The following AGBL1 variants were observed in gnomAD, a reference collection of about 807,000 sequenced individuals.
AGBL1 encodes the protein AGBL carboxypeptidase 1.
A neutral mutation model predicts 118.9 loss-of-function variants in AGBL1; 130 were observed. That is an observed-to-expected ratio of 1.09 (90% CI 0.95 to 1.26). The LOEUF (loss-of-function observed/expected upper bound fraction) is 1.26. Among genes scored for constraint, AGBL1 ranks in the 50% most tolerant of loss-of-function variants. The probability of loss-of-function intolerance (pLI) is 0.00; values close to 1 mark genes in which losing one functional copy is unlikely to be tolerated. For missense variants in AGBL1, 1,584 were observed against 1,298.1 expected (o/e 1.22, Z -3.38); for synonymous variants, 555 against 478.9 (o/e 1.16, Z -2.08).
At chr15:86,361,866 A>G (rs1479821039) in intron 17 of AGBL1, among the ~76,000 whole-genome samples, 1 of 152,100 alleles carries the variant, frequency 6.6e-6, no homozygotes, top group Non-Finnish European at 1.5e-5. Context: ...TATAGGCAGC[A>G]TATTGTTGCA....
chr15:86,190,216 A>G (rs1485904862), intron 5 of AGBL1, among the ~76,000 whole-genome samples: 3 of 152,162 alleles, frequency 2.0e-5, no homozygotes, highest in Non-Finnish European at 4.4e-5. Flanking sequence ...GCATCTCTTT[A>G]ATATCCAAGA....
At position 86,537,330 on chromosome 15, in the gene AGBL1, C is replaced by T. The variant is rs765531366; in HGVS notation, c.2686-8672C>T. ...TACACCAAATAGATTAATGCTTCTA[C>T]CTCGAGAACTTCAGTACCTGCAACT... On this transcript the variant is annotated intron_variant, in intron 19 of 22. Coordinates refer to ENST00000614907, the MANE Select transcript of AGBL1 (RefSeq NM_001386094.1). Among the ~76,000 whole-genome samples, 6 of 152,352 alleles carry T rather than the reference C, an allele frequency of 3.9e-5. No individual in the cohort carries two copies. The South Asian group carries it at 1.2e-3, about 32-fold the overall frequency.
At chr15:86,168,231 G>T (rs891897968) in intron 5 of AGBL1, among the ~76,000 whole-genome samples, 2 of 152,118 alleles carry the variant, frequency 1.3e-5, no homozygotes, top group Non-Finnish European at 1.5e-5. Context: ...ATCATGGGGG[G>T]GATATTTAAG....
At chr15:86,528,469 T>A (rs1339356244) in intron 19 of AGBL1, among the ~76,000 whole-genome samples, 1 of 151,618 alleles carries the variant, frequency 6.6e-6, no homozygotes, top group East Asian at 2.0e-4. Context: ...ACCCACGGAA[T>A]CTCGCTGATT....
At chr15:86,855,741 C>T (rs576746942) in intron 22 of AGBL1, among the ~76,000 whole-genome samples, 1 of 152,320 alleles carries the variant, frequency 6.6e-6, no homozygotes, top group African/African-American at 2.4e-5. Flanking sequence ...CCGTCATCTT[C>T]CTGTGCTCGC....
chr15:86,578,978 A>G (rs2084136706), intron 21 of AGBL1, among the ~76,000 whole-genome samples: 1 of 152,030 alleles, frequency 6.6e-6, no homozygotes, highest in Non-Finnish European at 1.5e-5. Context: ...GCTAATCCTC[A>G]TTTTCACCAT....
rs1423074578 is a variant in AGBL1, at chr15:86,766,816, A to C, written c.3158+92380A>C. ...GAAGGAAACAGGGAAACAAGAAATA[A>C]TTTTTTTGAAAGAATCCCATCTTGA... On this transcript the variant is annotated intron_variant, in intron 22 of 22. Transcript: ENST00000614907. 2.0e-5 allele frequency among the ~76,000 whole-genome samples: 3 copies of C among 150,960 alleles called. No individual in the cohort carries two copies. The East Asian group carries it at 6.0e-4, about 30-fold the overall frequency.
At chr15:86,322,478 T>C (rs906243655) in intron 17 of AGBL1, among the ~76,000 whole-genome samples, 6 of 152,162 alleles carry the variant, frequency 3.9e-5, no homozygotes, top group Admixed American at 3.9e-4. Flanking sequence ...AGGGGACCAA[T>C]ACATGAAATT....
chr15:86,993,205 C>G (rs1567276553), intron 24 of AGBL1, among the ~76,000 whole-genome samples: 1 of 152,184 alleles, frequency 6.6e-6, no homozygotes, highest in Non-Finnish European at 1.5e-5. Flanking sequence ...ACACAGTTCA[C>G]TTAATATGTA....
intron 17 of AGBL1, among the ~76,000 whole-genome samples, chr15:86,322,927 T>C (rs1353179496): frequency 6.6e-6 from 1 of 152,208 alleles, no homozygotes; most frequent in East Asian, 1.9e-4. Context: ...TGTGGCTTTT[T>C]TGAGTACCAG....
intron 17 of AGBL1, among the ~76,000 whole-genome samples, chr15:86,356,769 T>A (rs2080727756): frequency 6.6e-6 from 1 of 152,142 alleles, no homozygotes; most frequent in Non-Finnish European, 1.5e-5. Flanking sequence ...TTCCTTTTGG[T>A]GATATCCCCG....
At chr15:86,821,519 T>C (rs183326381) in intron 22 of AGBL1, among the ~76,000 whole-genome samples, 1,800 of 152,202 alleles carry the variant, frequency 0.012, 25 homozygotes, top group Middle Eastern at 0.061. Context: ...TTAAAAAAGA[T>C]AATAGATAAA....
rs2078428436 is a variant in AGBL1, at chr15:86,229,913, A to C, written c.526+4962A>C. Reference sequence around the variant, plus strand: ...GGCCCTAAAACTTAATAAGGGAATGATAAGTCTCTGTCAGACCACTCTCCA... The same window carrying C: ...GGCCCTAAAACTTAATAAGGGAATGCTAAGTCTCTGTCAGACCACTCTCCA... On this transcript the variant is annotated intron_variant, in intron 6 of 22. Transcript: ENST00000614907. 2.6e-5 allele frequency among the ~76,000 whole-genome samples: 4 copies of C among 152,380 alleles called. No homozygotes were observed. The South Asian group carries it at 8.3e-4, about 32-fold the overall frequency.
intron 5 of AGBL1, among the ~76,000 whole-genome samples, chr15:86,210,254 C>T (rs977080301): frequency 6.6e-6 from 1 of 152,068 alleles, no homozygotes; most frequent in Admixed American, 6.6e-5. Flanking sequence ...AACATTTTTT[C>T]CTTCATTTTA....
intron 7 of AGBL1, among the ~76,000 whole-genome samples, chr15:86,252,778 A>G (rs1176557891): frequency 6.6e-6 from 1 of 152,206 alleles, no homozygotes; most frequent in East Asian, 1.9e-4. Context: ...GAGTGGGACA[A>G]CTAGGACGTT....
intron 18 of AGBL1, among the ~76,000 whole-genome samples, chr15:86,399,477 T>C (rs1377080456): frequency 6.6e-6 from 1 of 152,180 alleles, no homozygotes; most frequent in Non-Finnish European, 1.5e-5. Flanking sequence ...GAGCCCTGGA[T>C]CTAGAGTCAT....
chr15:86,367,475 GGGT>G (rs1299130616), intron 17 of AGBL1, among the ~76,000 whole-genome samples: 3 of 152,076 alleles, frequency 2.0e-5, no homozygotes, highest in Non-Finnish European at 2.9e-5. Flanking sequence ...GCTGGGGGCA[GGGT>G]GGTGGTGGTG....
chr15:86,980,888 T>C (rs1003900501), intron 23 of AGBL1, among the ~76,000 whole-genome samples: 2 of 144,460 alleles, frequency 1.4e-5, no homozygotes, highest in Non-Finnish European at 3.0e-5. Context: ...AAACATCCTT[T>C]TTTTTTTTTT....
intron 22 of AGBL1, among the ~76,000 whole-genome samples, chr15:86,679,961 T>C (rs1274909936): frequency 1.3e-5 from 2 of 152,156 alleles, no homozygotes; most frequent in African/African-American, 2.4e-5. Context: ...TGTGCCTATA[T>C]TTGTGAGTGA....
Sources: gnomAD v4.1 joint callset for allele counts (sites outside exome capture counted in the v4.1 genomes callset) on GRCh38, gnomAD v4.1.1 for gene constraint, MANE v1.5 for transcripts, NCBI Gene and HGNC (gene_info 2026-07-23, HGNC 2026-07-21) for gene names.